The following MBD5 variants were observed in gnomAD, a reference collection of about 807,000 sequenced individuals.
MBD5 encodes the protein methyl-CpG-binding domain protein 5.
MBD5 carries 13 observed loss-of-function variants against 117.3 expected under a neutral mutation model. The observed-to-expected ratio is 0.11, with a 90% CI of 0.07 to 0.18. The LOEUF (loss-of-function observed/expected upper bound fraction) is 0.18. MBD5 is among the 10% of genes least tolerant of loss of function. MBD5 has a pLI of 1.00. For missense variants in MBD5, 1,879 were observed against 2,093.8 expected (o/e 0.90, Z 2.00); for synonymous variants, 727 against 766.4 (o/e 0.95, Z 0.85).
rs535082548 is a variant in MBD5 at position 148,302,501 on chromosome 2, T to G, written c.-679-39713T>G. Among the ~76,000 whole-genome samples, 288 of 152,378 alleles carry G rather than the reference T, an allele frequency of 1.9e-3. 2 individuals are homozygous for G. Among genetic ancestry groups the G allele is most frequent in the Non-Finnish European group, 3.0e-3 (202 of 68,032 alleles). On this transcript the variant is annotated intron_variant, in intron 3 of 13. Coordinates refer to ENST00000642680, the MANE Select transcript of MBD5 (RefSeq NM_001378120.1). ...GCTCTTGCTAATAGAGATGTAATTT[T>G]TTAAAGTCAATGTTCTGCTGAAGAG...
intron 4 of MBD5, among the ~76,000 whole-genome samples, chr2:148,388,421 T>A (rs1704446867): frequency 1.3e-5 from 2 of 152,168 alleles, no homozygotes; most frequent in Admixed American, 1.3e-4. Context: ...ATAATTAGGA[T>A]AATAATTACT....
chr2:148,112,299 A>C (rs958558485), intron 1 of MBD5, among the ~76,000 whole-genome samples: 4 of 152,192 alleles, frequency 2.6e-5, no homozygotes, highest in Non-Finnish European at 4.4e-5. Context: ...ATTTACTAAT[A>C]TCCTATTTCC....
At position 148,417,056 on chromosome 2, in the gene MBD5, G is replaced by A. The variant is rs116518849; in HGVS notation, c.-556-41147G>A. On this transcript the variant is annotated intron_variant, in intron 4 of 13. Coordinates refer to ENST00000642680, the MANE Select transcript of MBD5 (RefSeq NM_001378120.1). ...TCATCGGTTGATGAACATTTAATTT[G>A]ACTCTATTTCTTTGCAATTGTAAAT... Among the ~76,000 whole-genome samples, 1,293 of 152,058 alleles carry A rather than the reference G, an allele frequency of 8.5e-3. 21 individuals are homozygous for A. The highest frequency in any genetic ancestry group is 0.03 in the African/African-American group (1,245 of 41,454).
chr2:148,100,997 C>T (rs1272030506), intron 1 of MBD5, among the ~76,000 whole-genome samples: 2 of 152,108 alleles, frequency 1.3e-5, no homozygotes, highest in African/African-American at 4.8e-5. Context: ...AATAACAAAT[C>T]TATATTCCAC....
intron 4 of MBD5, among the ~76,000 whole-genome samples, chr2:148,439,737 CTTTTT>C (rs761911302): frequency 7.7e-6 from 1 of 130,674 alleles, no homozygotes; most frequent in Non-Finnish European, 1.6e-5. Context: ...CATTCTCTCT[CTTTTT>C]TTTTTTTTTT....
intron 6 of MBD5, among the ~76,000 whole-genome samples, chr2:148,463,531 A>G (rs1707163914): frequency 6.6e-6 from 1 of 152,116 alleles, no homozygotes; most frequent in African/African-American, 2.4e-5. Flanking sequence ...TAGAATTAGG[A>G]TAGTATTCAT....
intron 1 of MBD5, among the ~76,000 whole-genome samples, chr2:148,088,472 A>G (rs1171042556): frequency 2.6e-5 from 4 of 152,190 alleles, no homozygotes; most frequent in Admixed American, 6.5e-5. Flanking sequence ...AGCATCAGGT[A>G]ACCTATAAAT....
intron 1 of MBD5, among the ~76,000 whole-genome samples, chr2:148,095,782 A>G (rs1231503140): frequency 6.6e-6 from 1 of 151,592 alleles, no homozygotes; most frequent in African/African-American, 2.4e-5. Context: ...GAAAAATGCT[A>G]TGAACGAGAA....
At chr2:148,075,412 AAG>A (rs1695484187) in intron 1 of MBD5, among the ~76,000 whole-genome samples, 1 of 152,230 alleles carries the variant, frequency 6.6e-6, no homozygotes, top group African/African-American at 2.4e-5. Context: ...AGCCTGGGCT[AAG>A]AGAAATGGAA....
At chr2:148,198,194 A>C (rs543286201) in intron 2 of MBD5, among the ~76,000 whole-genome samples, 1 of 152,306 alleles carries the variant, frequency 6.6e-6, no homozygotes, top group Admixed American at 6.5e-5. Flanking sequence ...AAAACATAAA[A>C]TGGAAATATA....
chr2:148,222,535 A>G (rs1574154482), intron 2 of MBD5, among the ~76,000 whole-genome samples: 1 of 151,912 alleles, frequency 6.6e-6, no homozygotes, highest in Non-Finnish European at 1.5e-5. Context: ...ATAGGATTCC[A>G]TTTTTAGTTT....
intron 4 of MBD5, among the ~76,000 whole-genome samples, chr2:148,411,276 T>C (rs1705239171): frequency 6.6e-6 from 1 of 152,156 alleles, no homozygotes; most frequent in South Asian, 2.1e-4. Flanking sequence ...GTATTTAGGT[T>C]GATTCCATGC....
intron 3 of MBD5, among the ~76,000 whole-genome samples, chr2:148,336,068 CA>C: frequency 6.6e-6 from 1 of 152,252 alleles, no homozygotes; most frequent in South Asian, 2.1e-4. Context: ...GGAGAAAAGT[CA>C]AAGAAAGGTC....
intron 2 of MBD5, among the ~76,000 whole-genome samples, chr2:148,228,462 C>A (rs1699894915): frequency 6.6e-6 from 1 of 152,108 alleles, no homozygotes; most frequent in African/African-American, 2.4e-5. Flanking sequence ...GGATGAAGCC[C>A]ACTTGATCAT....
intron 1 of MBD5, among the ~76,000 whole-genome samples, chr2:148,081,985 T>C (rs1485894246): frequency 6.6e-6 from 1 of 152,124 alleles, no homozygotes; most frequent in African/African-American, 2.4e-5. Context: ...TCCGCATGAG[T>C]CTATATAATT....
intron 4 of MBD5, among the ~76,000 whole-genome samples, chr2:148,392,935 T>C (rs939949257): frequency 6.6e-6 from 1 of 152,218 alleles, no homozygotes; most frequent in Non-Finnish European, 1.5e-5. Context: ...TTCATTTCTT[T>C]ATTTAATGTC....
intron 3 of MBD5, among the ~76,000 whole-genome samples, chr2:148,297,472 C>T (rs1398560815): frequency 6.6e-6 from 1 of 152,134 alleles, no homozygotes; most frequent in East Asian, 1.9e-4. Context: ...ATGCTGTTTG[C>T]TTCTATTGGT....
intron 5 of MBD5, among the ~76,000 whole-genome samples, chr2:148,459,258 T>C (rs1454489411): frequency 2.0e-5 from 3 of 152,128 alleles, no homozygotes; most frequent in Non-Finnish European, 4.4e-5. Context: ...TTTTTATCCA[T>C]AGAAAGTTTC....
chr2:148,179,064 G>T lies in MBD5; in HGVS notation c.-831+271G>T, dbSNP rs557432298. The stretch of plus-strand genomic sequence containing the variant: ...CCAGTTAAGAATAAAGAATAAAAAA[G>T]TAACTTCTGGCCGGGCGCGGTGGCT... On this transcript the variant is annotated intron_variant, in intron 2 of 13. Coordinates refer to ENST00000642680, the MANE Select transcript of MBD5 (RefSeq NM_001378120.1). Among the ~76,000 whole-genome samples, 87 of 152,208 alleles carry T rather than the reference G, an allele frequency of 5.7e-4. 1 individual carries two copies. The highest frequency in any genetic ancestry group is 6.8e-3 in the Middle Eastern group (2 of 294).
Sources: allele counts gnomAD v4.1 joint callset (sites outside exome capture counted in the v4.1 genomes callset), GRCh38; gene constraint gnomAD v4.1.1; transcripts MANE v1.5; gene names NCBI Gene and HGNC (gene_info 2026-07-23, HGNC 2026-07-21).